FAM193B: variants seen among roughly 807,000 people sequenced by gnomAD.
FAM193B encodes protein FAM193B.
Under a neutral mutation model 70.7 loss-of-function variants are expected in FAM193B, and 27 were observed. That is an observed-to-expected ratio of 0.38 (90% CI 0.28 to 0.53). The LOEUF is 0.53. FAM193B is among the 20% of genes least tolerant of loss of function. The pLI, the probability that FAM193B is intolerant of heterozygous loss-of-function variation, is 0.81. For synonymous variants in FAM193B, 448 were observed against 436.0 expected, an observed-to-expected ratio of 1.03 and a Z score of -0.34; for missense variants, 1,022 against 1,072.5, an observed-to-expected ratio of 0.95 and a Z score of 0.66.
rs1314256716 is a variant in FAM193B at position 177,536,637 on chromosome 5, G to C, written c.797C>G (p.Pro266Arg). The change falls in exon 4 of 9, where the codon CCC becomes CGC. Residue 266 changes from proline (P) to arginine (R), a missense_variant. Physicochemically the swap from Pro to Arg is moderately radical, Grantham distance 103 (BLOSUM62 -2). Coordinates refer to ENST00000514747, the MANE Select transcript of FAM193B (RefSeq NM_001190946.3). ...GTGGGGTGGGGAGCCAAAGGAGCTG[G>C]GGTGAGACGGGATTAGAGATGCTGG... ...PQPASLIPSH[P>R]SSFGSPPHPH... 2 of 1,562,666 alleles carry C rather than the reference G, an allele frequency of 1.3e-6. No individual in the cohort carries two copies. The highest frequency in any genetic ancestry group is 1.4e-5 in the African/African-American group (1 of 72,762).
At chr5:177,535,761 A>T (rs1210434839) in intron 4 of FAM193B, among the ~76,000 whole-genome samples, 1 of 152,254 alleles carries the variant, frequency 6.6e-6, no homozygotes, top group Non-Finnish European at 1.5e-5. Context: ...CACGAAAGGT[A>T]TATCAAATAT....
intron 4 of FAM193B, among the ~76,000 whole-genome samples, chr5:177,534,510 G>A (rs1763945199): frequency 1.3e-5 from 2 of 151,896 alleles, no homozygotes; most frequent in East Asian, 1.9e-4. Context: ...CACCATGCTG[G>A]CCAGGCTGGT....
intron 5 of FAM193B, chr5:177,525,511 G>T: frequency 3.5e-6 from 1 of 282,520 alleles, no homozygotes; most frequent in Non-Finnish European, 6.6e-6. Flanking sequence ...AGCCAAAGTG[G>T]GGATGCATGT....
chr5:177,551,478 G>A (rs1489779805), intron 1 of FAM193B, among the ~76,000 whole-genome samples: 2 of 152,144 alleles, frequency 1.3e-5, no homozygotes, highest in Non-Finnish European at 2.9e-5. Context: ...AAGGGGCCTG[G>A]AAAGAACCAA....
At position 177,539,006 on chromosome 5, in the gene FAM193B, C is replaced by G; in HGVS notation, c.352G>C (p.Val118Leu). Residue 118 changes from valine to leucine, a missense_variant, in exon 2 of 9, where the codon GTC becomes CTC. Physicochemically the swap from Val to Leu is conservative, Grantham distance 32. Transcript: ENST00000514747. ...GGCATCTCGCCTAGGAGATTCTTGACGAGCTTTGGCATGAAGTCAGGGGGC... is the reference window on the plus strand; with the variant it reads ...GGCATCTCGCCTAGGAGATTCTTGAGGAGCTTTGGCATGAAGTCAGGGGGC... ...KLPPDFMPKL[V>L]KNLLGEMPLW... is the part of the protein sequence containing the mutation. 5.6e-6 allele frequency: 9 copies of G among 1,614,064 alleles called. No homozygotes were observed. The highest frequency in any genetic ancestry group is 7.6e-6 in the Non-Finnish European group (9 of 1,179,898).
intron 8 of FAM193B, 62 bp downstream of exon 8, chr5:177,521,912 G>A (rs977967645): frequency 3.7e-5 from 49 of 1,309,034 alleles, no homozygotes; most frequent in African/African-American, 2.7e-4. Context: ...TCTGGTGAGC[G>A]TACAGAGAGG....
In FAM193B at chr5:177,538,264, G is replaced by A. The variant is rs1386498072; in HGVS notation, c.454-157C>T. On this transcript the variant is annotated intron_variant, in intron 2 of 8. Transcript: ENST00000514747. The surrounding 1 kb of genome is among the most constrained non-coding windows in gnomAD (Gnocchi z 4.1). The stretch of plus-strand genomic sequence containing the variant: ...CAACTCCAGCTATAAGAACAAATGA[G>A]GGCCAGGCCTTTGCTGGGAAAGGGC... 6.6e-6 allele frequency among the ~76,000 whole-genome samples: 1 copy of A among 152,202 alleles called. No individual in the cohort carries two copies. Among genetic ancestry groups the A allele is most frequent in the Non-Finnish European group, 1.5e-5 (1 of 68,036 alleles).
At position 177,544,915 on chromosome 5, in the gene FAM193B, AT is replaced by A. The variant is rs1190275487; in HGVS notation, c.211-5769del. On this transcript the variant is annotated intron_variant, in intron 1 of 8. Coordinates refer to ENST00000514747, the MANE Select transcript of FAM193B (RefSeq NM_001190946.3). ...CACTTACATATTTGTGTGAGGTTGG[AT>A]TTTTTTTCATATACTTCAACCAAAA... 2.0e-5 allele frequency among the ~76,000 whole-genome samples: 3 copies of A among 152,204 alleles called. No individual in the cohort carries two copies. The East Asian group carries it at 5.8e-4, about 29-fold the overall frequency.
intron 5 of FAM193B, among the ~76,000 whole-genome samples, chr5:177,527,564 G>A (rs1230382276): frequency 6.6e-6 from 1 of 152,234 alleles, no homozygotes; most frequent in Non-Finnish European, 1.5e-5. Context: ...CATGTGCCAG[G>A]CACTCTGCCT....
chr5:177,541,646 CCTG>C, intron 1 of FAM193B, among the ~76,000 whole-genome samples: 1 of 152,258 alleles, frequency 6.6e-6, no homozygotes, highest in African/African-American at 2.4e-5. Flanking sequence ...GTCTCAATCT[CCTG>C]ACCTCGTGAT....
At chr5:177,534,785 T>G (rs1334423572) in intron 4 of FAM193B, among the ~76,000 whole-genome samples, 1 of 152,112 alleles carries the variant, frequency 6.6e-6, no homozygotes, top group African/African-American at 2.4e-5. Flanking sequence ...GCCCCACTAG[T>G]TTTTAAATTT....
chr5:177,532,683 G>T lies in FAM193B; in HGVS notation c.1077-42C>A, dbSNP rs149138145. 6.9e-6 allele frequency: 10 copies of T among 1,459,480 alleles called. No individual in the cohort carries two copies. The highest frequency in any genetic ancestry group is 2.9e-5 in the Admixed American group (1 of 34,644). 90.4% of individuals were successfully genotyped at this position (1,459,480 alleles called of 1,614,324 possible). A position where few individuals can be genotyped will look rare whatever the true frequency, so the allele number is the denominator to read the frequency against. On this transcript the variant is annotated intron_variant, in intron 4 of 8. Coordinates refer to ENST00000514747, the MANE Select transcript of FAM193B (RefSeq NM_001190946.3). This position sits in a 1 kb window ranked among gnomAD's most constrained non-coding sequence, Gnocchi z 4.9. The stretch of plus-strand genomic sequence containing the variant: ...AGGCCCAGAGGTGAGGCAGGGTGAT[G>T]CAGAAACCCAGGAAGCATCCCAACC...
rs987189865 is a variant in FAM193B, at chr5:177,538,707, C to A, written c.453+198G>T. ...GCACAGACCACCCTGAGGGACTGAC[C>A]GGTGGGCTGCCAGAAGTTTCTCTTC... On this transcript the variant is annotated intron_variant, in intron 2 of 8. Coordinates refer to ENST00000514747, the MANE Select transcript of FAM193B (RefSeq NM_001190946.3). This position sits in a 1 kb window ranked among gnomAD's most constrained non-coding sequence, Gnocchi z 4.1. 6.6e-6 allele frequency among the ~76,000 whole-genome samples: 1 copy of A among 152,188 alleles called. No homozygotes were observed. Among genetic ancestry groups the A allele is most frequent in the Non-Finnish European group, 1.5e-5 (1 of 68,032 alleles).
intron 1 of FAM193B, among the ~76,000 whole-genome samples, chr5:177,539,762 T>A (rs1764625790): frequency 6.6e-6 from 1 of 152,220 alleles, no homozygotes; most frequent in Admixed American, 6.5e-5. Context: ...GTGAGTATGG[T>A]GAAAACAGTC....
chr5:177,537,992 G>A lies in FAM193B; in HGVS notation c.569C>T (p.Ser190Leu), dbSNP rs1180949016. Residue 190 changes from serine to leucine, a missense_variant, in exon 3 of 9, where the codon TCG (serine) becomes TTG (leucine). Ser to Leu is a moderately radical substitution (Grantham distance 145). Transcript: ENST00000514747. The part of the protein sequence containing the change: ...SSSSSSCPGN[S>L]GDWDPSSFLS... ...GAACGAGCTAGGATCCCAGTCTCCC[G>A]AGTTCCCAGGGCAGGAAGAGGAGGA... is the stretch of plus-strand genomic sequence containing the variant. 2.8e-5 allele frequency: 43 copies of A among 1,559,130 alleles called. No homozygotes were observed. The highest frequency in any genetic ancestry group is 3.3e-5 in the Non-Finnish European group (38 of 1,151,208).
In FAM193B at chr5:177,532,504, G is replaced by A. The variant is rs982518885; in HGVS notation, c.1214C>T (p.Thr405Ile). 3 of 1,611,566 alleles carry A rather than the reference G, an allele frequency of 1.9e-6. No individual in the cohort carries two copies. Among genetic ancestry groups the A allele is most frequent in the African/African-American group, 1.3e-5 (1 of 74,912 alleles). ...SERSSCTSSS[T>I]HQRDGKFCDC... is the part of the protein sequence containing the mutation. ...ACAGAACTTCCCATCTCTCTGGTGG[G>A]TGGAGGATGAGGTGCAGGAGCTTCG... Residue 405 changes from threonine (T) to isoleucine (I), a missense_variant, in exon 5 of 9, where the codon ACC becomes ATC. Thr to Ile is a moderately conservative substitution (Grantham distance 89, BLOSUM62 -1). Transcript: ENST00000514747. This position sits in a 1 kb window ranked among gnomAD's most constrained non-coding sequence, Gnocchi z 4.9.
In FAM193B at chr5:177,520,091, G is replaced by C. The variant is rs1761483748; in HGVS notation, c.*92C>G. On this transcript the variant is annotated 3_prime_UTR_variant, in exon 9 of 9. Transcript: ENST00000514747. ...GGGGAGCACAGAGGGTCTTGGACGG[G>C]TAGGTGGGGCACACGGAGGGAAAAA... The C allele has an allele frequency of 6.6e-6, 1 of 152,438 alleles. No homozygotes were observed. Among genetic ancestry groups the C allele is most frequent in the African/African-American group, 2.4e-5 (1 of 41,438 alleles). 9.4% of individuals were successfully genotyped at this position (152,438 alleles called of 1,614,324 possible).
At chr5:177,524,102 G>A (rs762545916) in intron 6 of FAM193B, 70 bp from the exon 7 acceptor site, 115 of 1,610,872 alleles carry the variant, frequency 7.1e-5, no homozygotes, top group African/African-American at 6.8e-4. Context: ...TGGGGGCAGC[G>A]CTGTCTACAC....
rs773684713 is a variant in FAM193B, at chr5:177,532,432, G to A, written c.1275+11C>T. 15 of 1,606,662 alleles carry A rather than the reference G, an allele frequency of 9.3e-6. No individual in the cohort carries two copies. Among genetic ancestry groups the A allele is most frequent in the Non-Finnish European group, 1.7e-6 (2 of 1,177,236 alleles). On this transcript the variant is annotated intron_variant, in intron 5 of 8. Transcript: ENST00000514747. This position sits in a 1 kb window ranked among gnomAD's most constrained non-coding sequence, Gnocchi z 4.9. ...CCCCCAGCCCTCTCTAGCCTGGGCA[G>A]GCTCACTCACCGCATTGTGGCCGAA... is the stretch of plus-strand genomic sequence containing the variant.
Sources: gnomAD v4.1 joint callset for allele counts (sites outside exome capture counted in the v4.1 genomes callset) on GRCh38, gnomAD v4.1.1 for gene constraint, Gnocchi (gnomAD v3.1) non-coding constraint, MANE v1.5 for transcripts, NCBI Gene and HGNC (gene_info 2026-07-23, HGNC 2026-07-21) for gene names.